CDKAL1: variants seen among roughly 807,000 people sequenced by gnomAD.
CDKAL1 encodes threonylcarbamoyladenosine tRNA methylthiotransferase.
Under a neutral mutation model 68.2 loss-of-function variants are expected in CDKAL1, and 32 were observed. The observed-to-expected ratio is 0.47, with a 90% CI of 0.35 to 0.63. CDKAL1 has a LOEUF of 0.63. CDKAL1 is among the 30% of genes least tolerant of loss of function. The pLI is 0.00. For synonymous variants in CDKAL1, 234 were observed against 244.3 expected, an observed-to-expected ratio of 0.96 and a Z score of 0.39; for missense variants, 606 against 696.7, an observed-to-expected ratio of 0.87 and a Z score of 1.47.
rs987974869 is a variant in CDKAL1 at position 21,070,328 on chromosome 6, A to G, written c.1236+5100A>G. 6.0e-5 allele frequency among the ~76,000 whole-genome samples: 9 copies of G among 150,164 alleles called. 1 individual carries two copies. Among genetic ancestry groups the G allele is most frequent in the Non-Finnish European group, 7.4e-5 (5 of 67,550 alleles). On this transcript the variant is annotated intron_variant, in intron 12 of 15. Coordinates refer to ENST00000274695, the MANE Select transcript of CDKAL1 (RefSeq NM_017774.3). The stretch of plus-strand genomic sequence containing the variant: ...ACTGTCTCTGTCCCTTTTAGTCTAC[A>G]CTGGCAGTGTGAATTTTTTGTTTGT...
chr6:21,034,526 G>T (rs1769470562), intron 11 of CDKAL1, among the ~76,000 whole-genome samples: 1 of 152,164 alleles, frequency 6.6e-6, no homozygotes, highest in African/African-American at 2.4e-5. Context: ...AGATCAGCTG[G>T]ACTGATAGGT....
intron 10 of CDKAL1, among the ~76,000 whole-genome samples, chr6:20,995,484 C>T (rs934504306): frequency 5.9e-5 from 9 of 152,210 alleles, no homozygotes; most frequent in East Asian, 1.9e-4. Flanking sequence ...TTAGCAGGCA[C>T]GAAAACATTA....
rs1043057857 is a variant in CDKAL1, at chr6:21,034,916, T to A, written c.1056-30132T>A. Among the ~76,000 whole-genome samples the A allele has an allele frequency of 3.3e-5, 5 of 152,312 alleles. No individual in the cohort carries two copies. In the East Asian group the frequency reaches 9.6e-4, roughly 29 times the overall value. On this transcript the variant is annotated intron_variant, in intron 11 of 15. Transcript: ENST00000274695. ...AAGGTGTAAAAATTCATTTTAGGAATCTTACTTGTGAATTGTAAACTCAAT... is the reference window on the plus strand; with the variant it reads ...AAGGTGTAAAAATTCATTTTAGGAAACTTACTTGTGAATTGTAAACTCAAT...
chr6:21,121,623 C>A (rs940097247), intron 13 of CDKAL1, among the ~76,000 whole-genome samples: 8 of 152,174 alleles, frequency 5.3e-5, no homozygotes, highest in East Asian at 3.8e-4. Flanking sequence ...CAATAAATGA[C>A]TATTCTTGCA....
chr6:20,876,307 G>A (rs1191721738), intron 9 of CDKAL1, among the ~76,000 whole-genome samples: 3 of 152,138 alleles, frequency 2.0e-5, no homozygotes, highest in African/African-American at 7.2e-5. Flanking sequence ...AGGATGTAAG[G>A]GTGTACTTTC....
At chr6:21,091,381 T>A (rs1489320084) in intron 12 of CDKAL1, among the ~76,000 whole-genome samples, 1 of 152,174 alleles carries the variant, frequency 6.6e-6, no homozygotes, top group Non-Finnish European at 1.5e-5. Context: ...ACTTGATATA[T>A]ACCAGAGAAT....
intron 11 of CDKAL1, among the ~76,000 whole-genome samples, chr6:21,016,619 TC>T (rs2150851662): frequency 8.3e-6 from 1 of 120,054 alleles, no homozygotes; most frequent in Admixed American, 8.3e-5. Context: ...CATTCATCCA[TC>T]CATCCATCCA....
chr6:21,085,846 T>C (rs1014337920), intron 12 of CDKAL1, among the ~76,000 whole-genome samples: 3 of 152,152 alleles, frequency 2.0e-5, no homozygotes, highest in Middle Eastern at 3.2e-3. Flanking sequence ...TGTAGAAAGA[T>C]GAAATTAGTA....
chr6:21,175,578 T>C (rs1777543921), intron 13 of CDKAL1, among the ~76,000 whole-genome samples: 1 of 152,242 alleles, frequency 6.6e-6, no homozygotes, highest in Non-Finnish European at 1.5e-5. Flanking sequence ...CTTTTATTTT[T>C]ATTTTCAAAG....
At chr6:21,214,633 G>A (rs1302197094) in intron 15 of CDKAL1, among the ~76,000 whole-genome samples, 1 of 152,000 alleles carries the variant, frequency 6.6e-6, no homozygotes, top group Non-Finnish European at 1.5e-5. Context: ...CTGGGCAGTC[G>A]TCTATAAAAC....
At position 21,195,477 on chromosome 6, in the gene CDKAL1, T is replaced by TTTA. The variant is rs1562107776; in HGVS notation, c.1300-2542_1300-2541insATT. On this transcript the variant is annotated intron_variant, in intron 13 of 15. Transcript: ENST00000274695. ...CGTGCCTGGCCTCTGGAGATGTTTT[T>TTTA]TTTATTTATTTATTTATTTATTTAT... Among the ~76,000 whole-genome samples, 749 of 118,588 alleles carry TTTA rather than the reference T, an allele frequency of 6.3e-3. 11 individuals carry two copies. The highest frequency in any genetic ancestry group is 0.011 in the African/African-American group (354 of 31,570). 77.8% of individuals were successfully genotyped at this position (118,588 alleles called of 152,430 possible).
intron 11 of CDKAL1, among the ~76,000 whole-genome samples, chr6:21,052,394 G>A (rs998939085): frequency 6.6e-6 from 1 of 152,008 alleles, no homozygotes; most frequent in African/African-American, 2.4e-5. Flanking sequence ...TGTCACCCAG[G>A]CTGAAGTGCA....
At chr6:20,992,031 C>CTTTTTTTTTTTTT (rs71530401) in intron 10 of CDKAL1, among the ~76,000 whole-genome samples, 18 of 100,464 alleles carry the variant, frequency 1.8e-4, no homozygotes, top group African/African-American at 2.6e-4. Context: ...TTTTTCTTTT[C>CTTTTTTTTTTTTT]TTTTTTTTTT....
chr6:20,811,292 A>G (rs1344819959), intron 8 of CDKAL1, among the ~76,000 whole-genome samples: 1 of 152,202 alleles, frequency 6.6e-6, no homozygotes, highest in Non-Finnish European at 1.5e-5. Context: ...ACAGCAGATG[A>G]GGCTGACTTA....
At position 21,141,091 on chromosome 6, in the gene CDKAL1, G is replaced by A. The variant is rs939564395; in HGVS notation, c.1299+32628G>A. On this transcript the variant is annotated intron_variant, in intron 13 of 15. Coordinates refer to ENST00000274695, the MANE Select transcript of CDKAL1 (RefSeq NM_017774.3). ...GGGAATTCTGGGAGTTACAATTCAA[G>A]TTGAGATTTGAATGGGGACACAGCC... Among the ~76,000 whole-genome samples the A allele has an allele frequency of 8.5e-5, 13 of 152,226 alleles. No individual in the cohort carries two copies. The East Asian group carries it at 2.5e-3, about 29-fold the overall frequency.
intron 9 of CDKAL1, among the ~76,000 whole-genome samples, chr6:20,951,591 A>G (rs534219710): frequency 1.3e-5 from 2 of 152,314 alleles, no homozygotes; most frequent in Non-Finnish European, 2.9e-5. Flanking sequence ...ATGGAATCTC[A>G]TAGCTAAACT....
intron 10 of CDKAL1, among the ~76,000 whole-genome samples, chr6:20,963,206 T>C (rs1765140000): frequency 1.3e-5 from 2 of 152,082 alleles, no homozygotes; most frequent in South Asian, 4.1e-4. Flanking sequence ...GAAATGCTAC[T>C]TCCCCTTAGC....
At chr6:20,841,783 C>G (rs1159196198) in intron 8 of CDKAL1, among the ~76,000 whole-genome samples, 1 of 152,162 alleles carries the variant, frequency 6.6e-6, no homozygotes, top group East Asian at 1.9e-4. Flanking sequence ...ATAAAACTCT[C>G]CTGGGTTATA....
intron 8 of CDKAL1, among the ~76,000 whole-genome samples, chr6:20,815,013 C>T (rs1279126852): frequency 6.6e-6 from 1 of 152,148 alleles, no homozygotes; most frequent in African/African-American, 2.4e-5. Flanking sequence ...GTCTGTTTTC[C>T]TCCTCTCAGT....
Sources: allele counts gnomAD v4.1 joint callset (sites outside exome capture counted in the v4.1 genomes callset), GRCh38; gene constraint gnomAD v4.1.1; transcripts MANE v1.5; gene names NCBI Gene and HGNC (gene_info 2026-07-23, HGNC 2026-07-21).